Variants in NCOR1 observed in about 807,000 individuals in gnomAD.
NCOR1 encodes nuclear receptor corepressor 1, also known as protein phosphatase 1, regulatory subunit 109.
In NCOR1, 63 loss-of-function variants were observed where a neutral mutation model predicts 288.1. The observed-to-expected ratio is 0.22, with a 90% CI of 0.18 to 0.27. The LOEUF (loss-of-function observed/expected upper bound fraction) is 0.27. Ranked by LOEUF, NCOR1 falls within the 10% of genes least tolerant of loss-of-function variation. The pLI is 1.00. For synonymous variants in NCOR1, 1,007 were observed against 1,065.9 expected, an observed-to-expected ratio of 0.94 and a Z score of 1.08; for missense variants, 2,397 against 3,019.2, an observed-to-expected ratio of 0.79 and a Z score of 4.83.
chr17:16,058,596 G>GT lies in NCOR1; in HGVS notation c.5884_5885insA (p.Ser1962TyrfsTer6), dbSNP rs2060193818. ...GCTAGGTGTTTCATACCTGTGAGAA[G>GT]ATACTTTAAGAAAAGAAAATCTTAT... On this transcript the variant is annotated frameshift_variant, in exon 38 of 46. Coordinates refer to ENST00000268712, the MANE Select transcript of NCOR1 (RefSeq NM_006311.4). LOFTEE classifies it high-confidence loss of function. The GT allele has an allele frequency of 6.3e-7, 1 of 1,588,128 alleles. No homozygotes were observed. Among genetic ancestry groups the GT allele is most frequent in the Non-Finnish European group, 8.6e-7 (1 of 1,168,748 alleles).
At chr17:16,131,627 C>T (rs1464184803) in intron 14 of NCOR1, among the ~76,000 whole-genome samples, 1 of 152,308 alleles carries the variant, frequency 6.6e-6, no homozygotes, top group Non-Finnish European at 1.5e-5. Context: ...CGTTTCACTA[C>T]TGGACAATAT....
At chr17:16,125,701 C>CAAA (rs71353771) in intron 15 of NCOR1, among the ~76,000 whole-genome samples, 55 of 82,246 alleles carry the variant, frequency 6.7e-4, no homozygotes, top group East Asian at 1.4e-3. Context: ...GACGCCATCA[C>CAAA]AAAAAAAAAA....
At chr17:16,145,693 C>CCAGCCGCCCAGT (rs1369864562) in intron 10 of NCOR1, among the ~76,000 whole-genome samples, 3 of 151,690 alleles carry the variant, frequency 2.0e-5, no homozygotes, top group Non-Finnish European at 4.4e-5. Context: ...CCCCGCCCAG[C>CCAGCCGCCCAGT]CAGCCGCCCA....
At chr17:16,189,785 TA>T (rs769936383) in intron 2 of NCOR1, among the ~76,000 whole-genome samples, 2 of 152,196 alleles carry the variant, frequency 1.3e-5, no homozygotes, top group African/African-American at 2.4e-5. Context: ...AACTTTATTA[TA>T]AGTTTGATGA....
chr17:16,056,469 G>A (rs1054343148), intron 40 of NCOR1, among the ~76,000 whole-genome samples: 25 of 151,852 alleles, frequency 1.6e-4, no homozygotes, highest in African/African-American at 5.8e-4. Context: ...CTGCCATCAT[G>A]CCTGGCTAAT....
In NCOR1 at chr17:16,034,640, TA is replaced by T. The variant is rs1973740433; in HGVS notation, c.7135+124del. On this transcript the variant is annotated intron_variant, in intron 45 of 45. Transcript: ENST00000268712. Reference sequence around the variant, plus strand: ...TTCTATTCGGGAAAGTGGAACATATTAATGATACAGAAATGGGAATATAGGT... The same window carrying T: ...TTCTATTCGGGAAAGTGGAACATATTATGATACAGAAATGGGAATATAGGT... The T allele has an allele frequency of 3.5e-6, 3 of 868,134 alleles. No individual in the cohort carries two copies. In the African/African-American group the frequency reaches 5.0e-5, roughly 15 times the overall value. The allele number at this position is 868,134 out of a possible 1,614,324, so 53.8% of individuals were successfully genotyped here.
chr17:16,173,721 G>C (rs1055346152), intron 3 of NCOR1, among the ~76,000 whole-genome samples: 13 of 152,084 alleles, frequency 8.5e-5, no homozygotes, highest in African/African-American at 3.1e-4. Context: ...TCTGAGGTCA[G>C]GAGTTCGAGA....
At chr17:16,145,548 G>A (rs1274617826) in intron 10 of NCOR1, among the ~76,000 whole-genome samples, 14 of 132,002 alleles carry the variant, frequency 1.1e-4, no homozygotes, top group South Asian at 2.4e-4. Context: ...CTGCCCCGCC[G>A]CCACCCTGTC....
At chr17:16,156,735 A>G (rs112987407) in intron 6 of NCOR1, among the ~76,000 whole-genome samples, 85 of 152,230 alleles carry the variant, frequency 5.6e-4, no homozygotes, top group African/African-American at 2.0e-3. Flanking sequence ...AGGAGTTTTC[A>G]AGTTTTGCTA....
At chr17:16,186,469 T>A (rs2086702103) in intron 3 of NCOR1, 85 bp downstream of exon 3, 3 of 1,431,934 alleles carry the variant, frequency 2.1e-6, no homozygotes, top group Non-Finnish European at 2.8e-6. Flanking sequence ...GCTTGGTTAA[T>A]AAAAAGTAAA....
chr17:16,204,870 A>G (rs1239271781), intron 1 of NCOR1, among the ~76,000 whole-genome samples: 3 of 152,230 alleles, frequency 2.0e-5, no homozygotes, highest in Admixed American at 1.3e-4. Context: ...GTTTGGATAT[A>G]TCTGACTACA....
At chr17:16,134,863 G>C (rs1407948459) in intron 14 of NCOR1, among the ~76,000 whole-genome samples, 1 of 152,178 alleles carries the variant, frequency 6.6e-6, no homozygotes, top group African/African-American at 2.4e-5. Flanking sequence ...AAAACTGTTA[G>C]AAATTTGCAG....
intron 1 of NCOR1, among the ~76,000 whole-genome samples, chr17:16,205,555 A>AGGTT (rs1032370488): frequency 6.6e-6 from 1 of 151,526 alleles, no homozygotes; most frequent in Non-Finnish European, 1.5e-5. Context: ...TGGGAGGCGG[A>AGGTT]GGTTGCAGTG....
chr17:16,079,358 T>C (rs1319458874), intron 26 of NCOR1, among the ~76,000 whole-genome samples: 2 of 152,226 alleles, frequency 1.3e-5, no homozygotes, highest in East Asian at 3.8e-4. Flanking sequence ...GGTTTCTGTT[T>C]ACAATGATTT....
intron 42 of NCOR1, chr17:16,045,091 G>A (rs12373147): frequency 6.1e-6 from 2 of 325,388 alleles, no homozygotes; most frequent in South Asian, 6.4e-5. Context: ...TGGGGGGATA[G>A]TTAGTACAAG....
chr17:16,032,510 T>C (rs1972259811), intron 45 of NCOR1, 27 bp from the exon 46 acceptor site: 2 of 1,557,794 alleles, frequency 1.3e-6, no homozygotes, highest in Non-Finnish European at 8.7e-7. Flanking sequence ...TAGGTTTTCA[T>C]TGTCATGAAC....
rs2152697914 is a variant in NCOR1, at chr17:16,067,947, T to G, written c.4688A>C (p.His1563Pro). The G allele has an allele frequency of 6.2e-7, 1 of 1,614,188 alleles. No homozygotes were observed. Among genetic ancestry groups the G allele is most frequent in the South Asian group, 1.1e-5 (1 of 91,082 alleles). ...GSTAGEVYRSHLPTHLDPAMP... is the reference protein window; with the variant it reads ...GSTAGEVYRSPLPTHLDPAMP... ...GGCTGGATCCAAGTGCGTGGGCAGG[T>G]GGCTCCGATAAACCTCGCCTGCAGT... The change falls in exon 32 of 46, where the codon CAC (histidine) becomes CCC (proline). Residue 1563 changes from histidine to proline, a missense_variant. By Grantham distance (77) the His-to-Pro change is moderately conservative. This residue lies in a region of NCOR1 where 1,872 missense variants were observed against 2,187.8 expected (regional missense o/e 0.86). Coordinates refer to ENST00000268712, the MANE Select transcript of NCOR1 (RefSeq NM_006311.4).
Position 16,039,449 on chromosome 17 carries a change from G to A in NCOR1, c.6939C>T (p.Asp2313=), listed in dbSNP as rs752130646. The A allele has an allele frequency of 4.3e-6, 7 of 1,613,928 alleles. No homozygotes were observed. In the South Asian group the frequency reaches 7.7e-5, roughly 18 times the overall value. The change falls in exon 44 of 46, where the codon GAC becomes GAT. Residue 2313 remains aspartate, a synonymous_variant. Transcript: ENST00000268712. ...TSGETRREEG[D]PSPHSGGVCK... ...AAGCTGTACCTGAATGAGGTGATGG[G>A]TCCCCTTCCTCTCTTCGTGTCTCAC...
chr17:16,160,048 T>C (rs977200251), intron 5 of NCOR1, among the ~76,000 whole-genome samples: 3 of 152,064 alleles, frequency 2.0e-5, no homozygotes, highest in Non-Finnish European at 4.4e-5. Flanking sequence ...GTCAGGCTGG[T>C]CTCGAACTCC....
Sources: gnomAD v4.1 joint callset for allele counts (sites outside exome capture counted in the v4.1 genomes callset) on GRCh38, gnomAD v4.1.1 for gene constraint, gnomAD v4.1.1 regional missense constraint, MANE v1.5 for transcripts, NCBI Gene and HGNC (gene_info 2026-07-23, HGNC 2026-07-21) for gene names.